KCNIP4: variants seen among roughly 807,000 people sequenced by gnomAD.
The protein encoded by KCNIP4 is Kv channel-interacting protein 4.
In KCNIP4, 12 loss-of-function variants were observed where a neutral mutation model predicts 34.0. The ratio of observed to expected loss-of-function variants is 0.35; its 90% confidence interval spans 0.23 to 0.57. KCNIP4 has a LOEUF of 0.57. Among genes scored for constraint, KCNIP4 ranks in the 20% least tolerant of loss-of-function variants. The pLI is 0.83. For synonymous variants in KCNIP4, 124 were observed against 102.2 expected, an observed-to-expected ratio of 1.21 and a Z score of -1.29; for missense variants, 238 against 311.7, an observed-to-expected ratio of 0.76 and a Z score of 1.78.
intron 1 of KCNIP4, among the ~76,000 whole-genome samples, chr4:21,437,667 A>G (rs1402408144): frequency 6.6e-6 from 1 of 152,210 alleles, no homozygotes; most frequent in African/African-American, 2.4e-5. Context: ...ATACAAATGC[A>G]GTATTAAGGA....
At chr4:21,465,711 T>C (rs1454628593) in intron 1 of KCNIP4, among the ~76,000 whole-genome samples, 2 of 152,168 alleles carry the variant, frequency 1.3e-5, no homozygotes, top group Non-Finnish European at 2.9e-5. Flanking sequence ...TTTCACAGAA[T>C]TGTAGTGAGG....
chr4:21,378,050 C>T (rs908408027), intron 1 of KCNIP4, among the ~76,000 whole-genome samples: 1 of 136,674 alleles, frequency 7.3e-6, no homozygotes. Flanking sequence ...TGTTCATTCA[C>T]TTCACTCCAG....
chr4:20,778,708 T>G (rs776367922), intron 3 of KCNIP4, among the ~76,000 whole-genome samples: 8 of 152,178 alleles, frequency 5.3e-5, no homozygotes, highest in Non-Finnish European at 1.0e-4. Context: ...GGTCTTGACC[T>G]ATGAAAGAAC....
At chr4:21,458,008 T>A (rs376394263) in intron 1 of KCNIP4, among the ~76,000 whole-genome samples, 12 of 152,022 alleles carry the variant, frequency 7.9e-5, no homozygotes, top group Non-Finnish European at 1.2e-4. Context: ...CTTTTTTTTT[T>A]ATACTTTAAG....
chr4:21,104,161 CTGTCTTCCACAA>C (rs1338961848), intron 1 of KCNIP4, among the ~76,000 whole-genome samples: 1 of 141,816 alleles, frequency 7.1e-6, no homozygotes. Flanking sequence ...AATCGCCACA[CTGTCTTCCACAA>C]TGGTTGAAAT....
chr4:20,940,263 TAAAATGAGTAATTATTA>T (rs1295711149), intron 1 of KCNIP4, among the ~76,000 whole-genome samples: 8 of 152,236 alleles, frequency 5.3e-5, no homozygotes, highest in Admixed American at 4.6e-4. Context: ...TCAGTCGTTC[TAAAATGAGTAATTATTA>T]TAGCTGTCAC....
rs553146124 is a variant in KCNIP4 at position 20,927,587 on chromosome 4, A to G, written c.62-44878T>C. Among the ~76,000 whole-genome samples the G allele has an allele frequency of 5.1e-4, 77 of 152,316 alleles. 1 individual carries two copies. Among genetic ancestry groups the G allele is most frequent in the African/African-American group, 1.9e-3 (77 of 41,576 alleles). ...TCAAAAGTAAAAAGATATTTTCTTGATTCAACATTAATCCTTTCCTGGAGT... is the reference window on the plus strand; with the variant it reads ...TCAAAAGTAAAAAGATATTTTCTTGGTTCAACATTAATCCTTTCCTGGAGT... On this transcript the variant is annotated intron_variant, in intron 1 of 8. Coordinates refer to ENST00000382152, the MANE Select transcript of KCNIP4 (RefSeq NM_025221.6).
In KCNIP4 at chr4:21,196,075, A is replaced by T. The variant is rs1560800156; in HGVS notation, c.62-313366T>A. Among the ~76,000 whole-genome samples the T allele has an allele frequency of 5.9e-5, 9 of 152,322 alleles. No individual in the cohort carries two copies. The South Asian group carries it at 1.9e-3, about 32-fold the overall frequency. On this transcript the variant is annotated intron_variant, in intron 1 of 8. Transcript: ENST00000382152. ...TTTGCTCTGGAGGCATGGACTTCTT[A>T]AAGAATTTTAGAGTATTTTAATGAT...
Position 20,835,514 on chromosome 4 carries a change from C to T in KCNIP4, c.288+15029G>A, listed in dbSNP as rs556127161. 8.6e-5 allele frequency among the ~76,000 whole-genome samples: 13 copies of T among 151,972 alleles called. 1 individual carries two copies. The East Asian group carries it at 1.9e-3, about 23-fold the overall frequency. On this transcript the variant is annotated intron_variant, in intron 3 of 8. Transcript: ENST00000382152. ...AAGAGAATAAAGAGGGTTAATCATA[C>T]CTAAAGTATTTTGGGCAGAGCTGGT...
At chr4:20,812,894 T>A (rs1421148492) in intron 3 of KCNIP4, among the ~76,000 whole-genome samples, 1 of 151,962 alleles carries the variant, frequency 6.6e-6, no homozygotes, top group Non-Finnish European at 1.5e-5. Flanking sequence ...CAGTGTGGTA[T>A]CTCTGGGACT....
intron 1 of KCNIP4, among the ~76,000 whole-genome samples, chr4:21,943,432 C>T (rs1360800662): frequency 6.6e-6 from 1 of 152,024 alleles, no homozygotes. Flanking sequence ...CCCAGCTACT[C>T]AGGAGGCTGA....
chr4:21,380,300 A>C (rs1382028143), intron 1 of KCNIP4, among the ~76,000 whole-genome samples: 1 of 152,058 alleles, frequency 6.6e-6, no homozygotes, highest in Non-Finnish European at 1.5e-5. Context: ...GTAAGATTTT[A>C]TTTACTTTGA....
At chr4:21,602,415 A>C (rs1743259789) in intron 1 of KCNIP4, among the ~76,000 whole-genome samples, 1 of 152,146 alleles carries the variant, frequency 6.6e-6, no homozygotes, top group Non-Finnish European at 1.5e-5. Context: ...TGAATGAACA[A>C]ATAAATCTGC....
chr4:21,477,351 G>A (rs185161225), intron 1 of KCNIP4, among the ~76,000 whole-genome samples: 239 of 152,198 alleles, frequency 1.6e-3, no homozygotes, highest in South Asian at 3.5e-3. Flanking sequence ...TCATTTTATA[G>A]TCTCTCCTCT....
intron 1 of KCNIP4, among the ~76,000 whole-genome samples, chr4:21,711,818 G>GA (rs2109077581): frequency 6.6e-6 from 1 of 152,246 alleles, no homozygotes; most frequent in Non-Finnish European, 1.5e-5. Context: ...TTCTCTATGG[G>GA]AAAGGCACCA....
chr4:21,387,477 G>A (rs184182190), intron 1 of KCNIP4, among the ~76,000 whole-genome samples: 3 of 152,268 alleles, frequency 2.0e-5, no homozygotes, highest in Admixed American at 2.0e-4. Flanking sequence ...CTCTCTTCAT[G>A]AAACTTGGTG....
In KCNIP4 at chr4:21,801,762, C is replaced by G. The variant is rs1721013680; in HGVS notation, c.61+146809G>C. ...TAGCTGGGACTACCAGCGCGTGCCA[C>G]CATGCCTGGCTAACTGAAGGATTTT... On this transcript the variant is annotated intron_variant, in intron 1 of 8. Transcript: ENST00000382152. 2.6e-5 allele frequency among the ~76,000 whole-genome samples: 4 copies of G among 152,150 alleles called. No individual in the cohort carries two copies. The South Asian group carries it at 8.3e-4, about 32-fold the overall frequency.
At chr4:21,158,776 T>G (rs1343318380) in intron 1 of KCNIP4, among the ~76,000 whole-genome samples, 1 of 152,102 alleles carries the variant, frequency 6.6e-6, no homozygotes, top group Non-Finnish European at 1.5e-5. Flanking sequence ...ATAGTGCAGA[T>G]TCTAGCCAGT....
chr4:21,388,175 A>T (rs1342957763), intron 1 of KCNIP4, among the ~76,000 whole-genome samples: 1 of 151,998 alleles, frequency 6.6e-6, no homozygotes, highest in African/African-American at 2.4e-5. Context: ...TAGCTGAGTA[A>T]ATTATAACGG....
Sources: allele counts gnomAD v4.1 joint callset (sites outside exome capture counted in the v4.1 genomes callset), GRCh38; gene constraint gnomAD v4.1.1; transcripts MANE v1.5; gene names NCBI Gene and HGNC (gene_info 2026-07-23, HGNC 2026-07-21).